C9: variants seen among roughly 807,000 people sequenced by gnomAD.
C9 encodes the protein complement component C9.
Under a neutral mutation model 65.4 loss-of-function variants are expected in C9, and 63 were observed. The observed-to-expected ratio is 0.96, with a 90% CI of 0.79 to 1.19. The LOEUF (loss-of-function observed/expected upper bound fraction) is 1.19. C9 is among the 50% of genes most tolerant of loss of function. C9 has a pLI of 0.00. For synonymous variants in C9, 229 were observed against 227.9 expected (o/e 1.00, Z -0.04); for missense variants, 744 against 670.1 (o/e 1.11, Z -1.22).
At chr5:39,329,230 T>G (rs1015853976) in intron 5 of C9, among the ~76,000 whole-genome samples, 7 of 152,194 alleles carry the variant, frequency 4.6e-5, no homozygotes, top group Admixed American at 6.5e-5. Flanking sequence ...TATAAAGTGG[T>G]CAGTAAGTCT....
chr5:39,315,715 T>A, intron 6 of C9, 60 bp downstream of exon 6: 1 of 1,253,318 alleles, frequency 8.0e-7, no homozygotes, highest in African/African-American at 1.5e-5. Flanking sequence ...CTCAAAATAC[T>A]TAAAGAGTCT....
chr5:39,287,829 C>T (rs1009330107), intron 10 of C9, among the ~76,000 whole-genome samples: 23 of 151,614 alleles, frequency 1.5e-4, no homozygotes, highest in Admixed American at 1.5e-3. Context: ...CCAAAAATGG[C>T]GAGGATGGGA....
Position 39,323,979 on chromosome 5 carries a change from C to CA in C9, c.615+7696dup, listed in dbSNP as rs1291628909. Among the ~76,000 whole-genome samples, 7 of 152,200 alleles carry CA rather than the reference C, an allele frequency of 4.6e-5. No individual in the cohort carries two copies. In the East Asian group the frequency reaches 1.3e-3, roughly 29 times the overall value. ...ACAAATTCAGTAAAGTTGCAGGATACAAAATCAACATGCAAAAGTCTGTTG... is the reference window on the plus strand; with the variant it reads ...ACAAATTCAGTAAAGTTGCAGGATACAAAAATCAACATGCAAAAGTCTGTTG... On this transcript the variant is annotated intron_variant, in intron 5 of 10. Transcript: ENST00000263408.
At chr5:39,294,328 A>G (rs2111848102) in intron 9 of C9, among the ~76,000 whole-genome samples, 1 of 151,860 alleles carries the variant, frequency 6.6e-6, no homozygotes, top group East Asian at 1.9e-4. Context: ...AGCTAGACTA[A>G]GAAAAAGAAA....
chr5:39,349,991 G>A (rs911017326), intron 1 of C9, among the ~76,000 whole-genome samples: 2 of 151,922 alleles, frequency 1.3e-5, no homozygotes, highest in African/African-American at 2.4e-5. Context: ...GTATTAATCT[G>A]TTCTCACATG....
rs1320649213 is a variant in C9, at chr5:39,349,623, A to G, written c.78-7427T>C. The stretch of plus-strand genomic sequence containing the variant: ...CCTCGTCTCTTGTTTCCTACATCCC[A>G]ACACTTCTCAACCCTCCTGCCCTGT... On this transcript the variant is annotated intron_variant, in intron 1 of 10. Coordinates refer to ENST00000263408, the MANE Select transcript of C9 (RefSeq NM_001737.5). Among the ~76,000 whole-genome samples the G allele has an allele frequency of 3.3e-5, 5 of 152,132 alleles. 1 individual carries two copies. The highest frequency in any genetic ancestry group is 6.8e-3 in the Middle Eastern group (2 of 294).
At chr5:39,313,918 T>G (rs993555044) in intron 6 of C9, among the ~76,000 whole-genome samples, 2 of 152,182 alleles carry the variant, frequency 1.3e-5, no homozygotes. Context: ...AAATCTGCTC[T>G]ATCTGAAGCT....
chr5:39,327,262 G>A (rs2111920168), intron 5 of C9, among the ~76,000 whole-genome samples: 1 of 152,222 alleles, frequency 6.6e-6, no homozygotes, highest in East Asian at 1.9e-4. Context: ...GCTTCAAGGA[G>A]AATGATCAGA....
Position 39,316,172 on chromosome 5 carries a change from T to C in C9, c.616-143A>G, listed in dbSNP as rs555035134. 2.9e-3 allele frequency: 1,906 copies of C among 649,644 alleles called. 7 individuals are homozygous for C. Among genetic ancestry groups the C allele is most frequent in the Non-Finnish European group, 2.6e-3 (994 of 376,702 alleles). The allele number at this position is 649,644 out of a possible 1,614,324, so 40.2% of individuals were successfully genotyped here. A position where few individuals can be genotyped will look rare whatever the true frequency, so the allele number is the denominator to read the frequency against. ...TAAGAGCAAAAGTGATGGAGTCAGA[T>C]TCCTGGGGTTCAAATACAGACTCTG... On this transcript the variant is annotated intron_variant, in intron 5 of 10. Coordinates refer to ENST00000263408, the MANE Select transcript of C9 (RefSeq NM_001737.5).
chr5:39,363,091 T>C (rs1220221447), intron 1 of C9, among the ~76,000 whole-genome samples: 1 of 152,144 alleles, frequency 6.6e-6, no homozygotes, highest in East Asian at 1.9e-4. Context: ...GTTTGAATTA[T>C]TATTATTATT....
At chr5:39,333,572 C>CTCTCCCTCTCCCTCTCCG (rs1753884469) in intron 4 of C9, among the ~76,000 whole-genome samples, 3 of 143,318 alleles carry the variant, frequency 2.1e-5, no homozygotes, top group African/African-American at 5.0e-5. Flanking sequence ...CTCCCTCTCC[C>CTCTCCCTCTCCCTCTCCG]TCTCCCTCTC....
At chr5:39,335,642 A>T (rs906888911) in intron 4 of C9, among the ~76,000 whole-genome samples, 8 of 152,144 alleles carry the variant, frequency 5.3e-5, no homozygotes, top group African/African-American at 1.9e-4. Context: ...TATATCAGGG[A>T]CTTGAGCATC....
At chr5:39,341,090 A>C (rs1402376098) in intron 4 of C9, 56 bp downstream of exon 4, 1 of 1,570,698 alleles carries the variant, frequency 6.4e-7, no homozygotes, top group East Asian at 2.2e-5. Flanking sequence ...ACAATGAGAG[A>C]GATGGAGATC....
chr5:39,348,622 A>G (rs559349857), intron 1 of C9, among the ~76,000 whole-genome samples: 2 of 152,324 alleles, frequency 1.3e-5, no homozygotes, highest in South Asian at 4.1e-4. Context: ...GCGATTCCTC[A>G]GGGATCTAGA....
At chr5:39,293,854 T>C (rs1332465296) in intron 9 of C9, among the ~76,000 whole-genome samples, 2 of 151,886 alleles carry the variant, frequency 1.3e-5, no homozygotes, top group Non-Finnish European at 2.9e-5. Flanking sequence ...TTATATTAAA[T>C]ACCTTCTAAG....
chr5:39,337,544 A>G (rs537495809), intron 4 of C9, among the ~76,000 whole-genome samples: 1 of 152,392 alleles, frequency 6.6e-6, no homozygotes, highest in East Asian at 1.9e-4. Context: ...GGCAGTGCTT[A>G]TAGATGCCTG....
At chr5:39,340,038 AC>A (rs1470454161) in intron 4 of C9, among the ~76,000 whole-genome samples, 2 of 151,214 alleles carry the variant, frequency 1.3e-5, no homozygotes, top group Non-Finnish European at 2.9e-5. Flanking sequence ...TCTTACCATC[AC>A]CCCTGTCTTT....
intron 1 of C9, among the ~76,000 whole-genome samples, chr5:39,362,155 G>T (rs917258185): frequency 1.3e-5 from 2 of 152,044 alleles, no homozygotes; most frequent in African/African-American, 2.4e-5. Flanking sequence ...ACCCTGAAAG[G>T]TATGTTGAAG....
chr5:39,333,759 G>C (rs1467484263), intron 4 of C9, among the ~76,000 whole-genome samples: 1 of 151,908 alleles, frequency 6.6e-6, no homozygotes, highest in African/African-American at 2.4e-5. Context: ...TTGCAGGCGC[G>C]CACCGCCACG....
Sources: allele counts gnomAD v4.1 joint callset (sites outside exome capture counted in the v4.1 genomes callset), GRCh38; gene constraint gnomAD v4.1.1; transcripts MANE v1.5; gene names NCBI Gene and HGNC (gene_info 2026-07-23, HGNC 2026-07-21).